The following ROBO1 variants were observed in gnomAD, a reference collection of about 807,000 sequenced individuals.
ROBO1 encodes the protein roundabout homolog 1.
In ROBO1, 149 loss-of-function variants were observed where a neutral mutation model predicts 195.9. That is an observed-to-expected ratio of 0.76 (90% CI 0.67 to 0.87). ROBO1 has a LOEUF of 0.87. Ranked by LOEUF, ROBO1 falls within the 40% of genes least tolerant of loss-of-function variation. The probability of loss-of-function intolerance (pLI) is 0.00; values close to 1 mark genes in which losing one functional copy is unlikely to be tolerated. For missense variants in ROBO1, 1,933 were observed against 2,068.3 expected, an observed-to-expected ratio of 0.93 and a Z score of 1.27; for synonymous variants, 816 against 733.2, an observed-to-expected ratio of 1.11 and a Z score of -1.82.
intron 4 of ROBO1, among the ~76,000 whole-genome samples, chr3:78,879,673 C>T (rs745385244): frequency 3.3e-5 from 5 of 151,910 alleles, no homozygotes; most frequent in Admixed American, 2.6e-4. Context: ...AAAACGTAGT[C>T]GGAAGCATCC....
At chr3:79,525,003 A>G (rs1027135556) in intron 2 of ROBO1, among the ~76,000 whole-genome samples, 2 of 151,934 alleles carry the variant, frequency 1.3e-5, no homozygotes, top group Non-Finnish European at 2.9e-5. Context: ...AGAAAAAGAG[A>G]AGTTTCAGAC....
intron 6 of ROBO1, 72 bp from the exon 7 acceptor site, chr3:78,717,485 G>T: frequency 7.7e-7 from 1 of 1,303,714 alleles, no homozygotes; most frequent in East Asian, 2.3e-5. Context: ...TAGGAGTTCA[G>T]TAAGAGCATA....
intron 2 of ROBO1, among the ~76,000 whole-genome samples, chr3:79,451,623 TGTTTA>T (rs2039444645): frequency 6.6e-6 from 1 of 152,108 alleles, no homozygotes; most frequent in African/African-American, 2.4e-5. Context: ...ACTGCAGCTG[TGTTTA>T]GTTTAGTGGA....
At position 78,636,031 on chromosome 3, in the gene ROBO1, C is replaced by G; in HGVS notation, c.3115G>C (p.Gly1039Arg). ...ATTTTGTTACTAAGGTCCACATCAC[C>G]ATAAACAGTTGACTCAGGGAGCATC... ...NLMLPESTVY[G>R]DVDLSNKINE... Residue 1039 changes from glycine (G) to arginine (R), a missense_variant, in exon 23 of 31, where the codon GGT (glycine) becomes CGT (arginine). Gly to Arg is a moderately radical substitution (Grantham distance 125). Around this residue, in one of 3 missense-constraint regions of ROBO1, gnomAD observed 1,737 missense variants for 1,882.5 expected, o/e 0.92. Coordinates refer to ENST00000464233, the MANE Select transcript of ROBO1 (RefSeq NM_002941.4). 1.9e-6 allele frequency: 3 copies of G among 1,613,820 alleles called. No homozygotes were observed. Among genetic ancestry groups the G allele is most frequent in the Non-Finnish European group, 2.5e-6 (3 of 1,179,796 alleles).
intron 2 of ROBO1, among the ~76,000 whole-genome samples, chr3:79,524,932 T>A (rs772898902): frequency 2.0e-4 from 30 of 151,974 alleles, no homozygotes; most frequent in Non-Finnish European, 4.3e-4. Flanking sequence ...CATATAAATA[T>A]ATACATAGAC....
chr3:79,247,267 A>G (rs2082642505), intron 2 of ROBO1, among the ~76,000 whole-genome samples: 1 of 150,440 alleles, frequency 6.6e-6, no homozygotes, highest in African/African-American at 2.5e-5. Context: ...CAAAGTGCAC[A>G]TAATATAAAA....
intron 2 of ROBO1, among the ~76,000 whole-genome samples, chr3:79,539,287 C>T (rs1941982439): frequency 6.6e-6 from 1 of 152,042 alleles, no homozygotes; most frequent in Admixed American, 6.6e-5. Context: ...ACTTCCTGCC[C>T]TTTAGGGTAG....
chr3:78,854,823 T>C (rs2034310254), intron 4 of ROBO1, among the ~76,000 whole-genome samples: 1 of 152,164 alleles, frequency 6.6e-6, no homozygotes, highest in Non-Finnish European at 1.5e-5. Flanking sequence ...CTTTCACATA[T>C]TTCAACTAAC....
At chr3:79,638,380 T>C (rs1945557985) in intron 1 of ROBO1, among the ~76,000 whole-genome samples, 1 of 152,170 alleles carries the variant, frequency 6.6e-6, no homozygotes, top group South Asian at 2.1e-4. Flanking sequence ...AATTATGTAA[T>C]GGTCTGATTT....
intron 4 of ROBO1, among the ~76,000 whole-genome samples, chr3:78,748,592 C>T (rs9823426): frequency 0.99 from 150,745 of 152,250 alleles, 74,651 homozygotes; most frequent in East Asian, 1. Flanking sequence ...TGAAGTACTA[C>T]AGTGTAAAAA....
At chr3:78,874,707 TAGTC>T (rs796739968) in intron 4 of ROBO1, among the ~76,000 whole-genome samples, 9 of 151,936 alleles carry the variant, frequency 5.9e-5, no homozygotes, top group African/African-American at 9.6e-5. Flanking sequence ...ACTAACAAGT[TAGTC>T]AGTTTTACTA....
At chr3:79,450,654 A>G (rs1395717029) in intron 2 of ROBO1, among the ~76,000 whole-genome samples, 3 of 152,050 alleles carry the variant, frequency 2.0e-5, no homozygotes, top group Non-Finnish European at 4.4e-5. Context: ...TGAAAATGCT[A>G]TTCTTAATCT....
chr3:79,496,226 A>C (rs1939726198), intron 2 of ROBO1, among the ~76,000 whole-genome samples: 1 of 150,556 alleles, frequency 6.6e-6, no homozygotes, highest in African/African-American at 2.4e-5. Context: ...AAAAAAAAAA[A>C]AAAAAAAAGA....
At chr3:78,801,460 T>A (rs527469555) in intron 4 of ROBO1, among the ~76,000 whole-genome samples, 1 of 152,252 alleles carries the variant, frequency 6.6e-6, no homozygotes, top group South Asian at 2.1e-4. Flanking sequence ...TCCAATATTA[T>A]CTTCTCTATT....
chr3:79,501,128 T>A (rs1041462381), intron 2 of ROBO1, among the ~76,000 whole-genome samples: 1 of 152,144 alleles, frequency 6.6e-6, no homozygotes, highest in Non-Finnish European at 1.5e-5. Context: ...ATAAGTCATT[T>A]TTTATTGGAA....
chr3:79,449,005 G>C (rs576438032), intron 2 of ROBO1, among the ~76,000 whole-genome samples: 2 of 152,248 alleles, frequency 1.3e-5, no homozygotes, highest in South Asian at 4.1e-4. Context: ...TGAAGCAGGA[G>C]GATCGCTTGA....
intron 2 of ROBO1, among the ~76,000 whole-genome samples, chr3:79,446,104 T>C (rs2039245148): frequency 6.6e-6 from 1 of 152,158 alleles, no homozygotes; most frequent in South Asian, 2.1e-4. Context: ...AGCCCAGAAA[T>C]TGTTTTCTCT....
chr3:78,973,854 G>T (rs986902902), intron 3 of ROBO1, among the ~76,000 whole-genome samples: 1 of 151,818 alleles, frequency 6.6e-6, no homozygotes, highest in Non-Finnish European at 1.5e-5. Context: ...AATGTCTGAG[G>T]TGGACATGTA....
intron 2 of ROBO1, among the ~76,000 whole-genome samples, chr3:79,307,977 C>G (rs998767143): frequency 1.3e-5 from 2 of 152,098 alleles, no homozygotes; most frequent in Non-Finnish European, 2.9e-5. Flanking sequence ...ATCTTCATAA[C>G]ATTGAGTGTC....
Sources: gnomAD v4.1 joint callset for allele counts (sites outside exome capture counted in the v4.1 genomes callset) on GRCh38, gnomAD v4.1.1 for gene constraint, gnomAD v4.1.1 regional missense constraint, MANE v1.5 for transcripts, NCBI Gene and HGNC (gene_info 2026-07-23, HGNC 2026-07-21) for gene names.